NBEA: variants seen among roughly 807,000 people sequenced by gnomAD.
NBEA encodes lysosomal-trafficking regulator 2.
A neutral mutation model predicts 343.4 loss-of-function variants in NBEA; 44 were observed. The observed-to-expected ratio is 0.13, with a 90% CI of 0.10 to 0.16. The LOEUF (loss-of-function observed/expected upper bound fraction) is 0.16. Among genes scored for constraint, NBEA ranks in the 10% least tolerant of loss-of-function variants. NBEA has a pLI of 1.00. For missense variants in NBEA, 2,555 were observed against 3,631.3 expected (o/e 0.70, Z 7.62); for synonymous variants, 1,175 against 1,238.7 (o/e 0.95, Z 1.08).
chr13:35,506,555 A>G (rs7327680), intron 41 of NBEA, among the ~76,000 whole-genome samples: 107,885 of 152,024 alleles, frequency 0.71, 38,490 homozygotes, highest in African/African-American at 0.76. Context: ...TGCTATAGTT[A>G]AAACAGCCCA....
At chr13:35,537,668 G>A (rs1195207805) in intron 41 of NBEA, among the ~76,000 whole-genome samples, 1 of 152,098 alleles carries the variant, frequency 6.6e-6, no homozygotes, top group Non-Finnish European at 1.5e-5. Flanking sequence ...AGACCTTGAA[G>A]ATGAGTAGAA....
intron 36 of NBEA, among the ~76,000 whole-genome samples, chr13:35,341,826 G>A (rs186449693): frequency 1.8e-4 from 28 of 152,078 alleles, no homozygotes; most frequent in African/African-American, 6.5e-4. Context: ...GCTGTTACTC[G>A]ACAAGTTAAA....
chr13:35,203,987 G>C (rs1004126740), intron 31 of NBEA, among the ~76,000 whole-genome samples: 1 of 152,140 alleles, frequency 6.6e-6, no homozygotes, highest in Non-Finnish European at 1.5e-5. Context: ...ATGTAGAATA[G>C]AGCAGGGGTC....
intron 6 of NBEA, among the ~76,000 whole-genome samples, chr13:35,051,445 G>A (rs746830642): frequency 4.0e-5 from 6 of 151,720 alleles, no homozygotes; most frequent in Non-Finnish European, 7.4e-5. Context: ...ATTATTTTGG[G>A]TGGTATTTCC....
Position 35,156,316 on chromosome 13 carries a change from C to A in NBEA, c.2651+110C>A. Reference sequence around the variant, plus strand: ...TTCCATATTGCTAAATACTTTTAATCATCAGAAAAGGCATTTTATGTTTCT... The same window carrying A: ...TTCCATATTGCTAAATACTTTTAATAATCAGAAAAGGCATTTTATGTTTCT... On this transcript the variant is annotated intron_variant, in intron 20 of 58. Coordinates refer to ENST00000379939, the MANE Select transcript of NBEA (RefSeq NM_001385012.1). The A allele has an allele frequency of 1.5e-5, 17 of 1,138,238 alleles. No individual in the cohort carries two copies. The South Asian group carries it at 2.8e-4, about 19-fold the overall frequency. The allele number at this position is 1,138,238 out of a possible 1,614,324, so 70.5% of individuals were successfully genotyped here. A position where few individuals can be genotyped will look rare whatever the true frequency, so the allele number is the denominator to read the frequency against.
At chr13:35,646,712 T>C (rs1385289400) in intron 51 of NBEA, among the ~76,000 whole-genome samples, 3 of 152,144 alleles carry the variant, frequency 2.0e-5, no homozygotes, top group Non-Finnish European at 2.9e-5. Context: ...TATTGCCAAA[T>C]TTCGTGGCAA....
intron 49 of NBEA, among the ~76,000 whole-genome samples, chr13:35,630,475 A>G (rs1329524778): frequency 2.0e-5 from 3 of 152,192 alleles, no homozygotes; most frequent in African/African-American, 7.2e-5. Context: ...TCTGAACAAT[A>G]TCTTGTATTA....
chr13:35,386,953 C>T (rs2042271424), intron 38 of NBEA, among the ~76,000 whole-genome samples: 1 of 152,112 alleles, frequency 6.6e-6, no homozygotes, highest in South Asian at 2.1e-4. Context: ...TCAATTTTAG[C>T]TTTCCACTGA....
intron 18 of NBEA, among the ~76,000 whole-genome samples, chr13:35,155,291 CAG>C (rs1369702871): frequency 6.6e-6 from 1 of 151,848 alleles, no homozygotes; most frequent in Admixed American, 6.6e-5. Context: ...TTGGTGAATA[CAG>C]AGTTAAAGAG....
At chr13:35,002,364 A>C (rs1282027323) in intron 1 of NBEA, among the ~76,000 whole-genome samples, 4 of 152,186 alleles carry the variant, frequency 2.6e-5, no homozygotes, top group Non-Finnish European at 5.9e-5. Flanking sequence ...TCTGTGAGTA[A>C]AGGAGGGAAA....
At chr13:35,230,322 C>G (rs1182359400) in intron 33 of NBEA, among the ~76,000 whole-genome samples, 7 of 152,008 alleles carry the variant, frequency 4.6e-5, no homozygotes, top group African/African-American at 7.2e-5. Context: ...CTAAATCACA[C>G]CGAAATCTGT....
At chr13:35,122,850 A>T (rs2066879524) in intron 16 of NBEA, among the ~76,000 whole-genome samples, 1 of 152,150 alleles carries the variant, frequency 6.6e-6, no homozygotes, top group Non-Finnish European at 1.5e-5. Context: ...ACAGAAACAA[A>T]ACGTTACTGT....
intron 30 of NBEA, among the ~76,000 whole-genome samples, chr13:35,195,533 G>T (rs2072523582): frequency 1.3e-5 from 2 of 151,920 alleles, no homozygotes; most frequent in Admixed American, 1.3e-4. Context: ...CGAGTAGCTG[G>T]GATTAGACGT....
intron 47 of NBEA, among the ~76,000 whole-genome samples, chr13:35,598,858 A>G (rs1314389210): frequency 6.6e-6 from 1 of 152,144 alleles, no homozygotes; most frequent in Non-Finnish European, 1.5e-5. Flanking sequence ...TATTTTGAGA[A>G]TCTTTTGCCA....
At chr13:35,312,920 G>A (rs117299679) in intron 36 of NBEA, among the ~76,000 whole-genome samples, 4,531 of 152,248 alleles carry the variant, frequency 0.03, 101 homozygotes, top group Non-Finnish European at 0.045. Context: ...AAATATCCAG[G>A]TGGAGATGTT....
intron 34 of NBEA, among the ~76,000 whole-genome samples, chr13:35,247,676 G>T (rs1375466232): frequency 2.6e-5 from 4 of 152,070 alleles, no homozygotes; most frequent in African/African-American, 9.7e-5. Context: ...TTCCTTCAAA[G>T]GGTCTGTGGA....
At chr13:34,969,216 A>G (rs1455214819) in intron 1 of NBEA, among the ~76,000 whole-genome samples, 2 of 152,024 alleles carry the variant, frequency 1.3e-5, no homozygotes, top group Non-Finnish European at 2.9e-5. Context: ...GTGACTAGGC[A>G]GGTTCCACAT....
intron 41 of NBEA, among the ~76,000 whole-genome samples, chr13:35,513,113 C>T (rs2077344361): frequency 2.0e-5 from 3 of 150,682 alleles, no homozygotes; most frequent in Admixed American, 6.6e-5. Flanking sequence ...ATCTTCATTA[C>T]CTTTGTGGTG....
rs12868266 is a variant in NBEA, at chr13:35,030,267, T to C, written c.295-10666T>C. ...CAAAATCTTCTTTCTTGCTTTTAAC[T>C]TTAACAAATTCTTTTAAATTATGGT... On this transcript the variant is annotated intron_variant, in intron 1 of 58. Transcript: ENST00000379939. Among the ~76,000 whole-genome samples the C allele has an allele frequency of 1.1e-4, 16 of 151,784 alleles. 1 individual carries two copies. In the East Asian group the frequency reaches 2.7e-3, roughly 26 times the overall value.
Sources: gnomAD v4.1 joint callset for allele counts (sites outside exome capture counted in the v4.1 genomes callset) on GRCh38, gnomAD v4.1.1 for gene constraint, MANE v1.5 for transcripts, NCBI Gene and HGNC (gene_info 2026-07-23, HGNC 2026-07-21) for gene names.